The following TIAM1 variants were observed in gnomAD, a reference collection of about 807,000 sequenced individuals.
The protein encoded by TIAM1 is rho guanine nucleotide exchange factor TIAM1.
TIAM1 carries 65 observed loss-of-function variants against 163.5 expected under a neutral mutation model. The ratio of observed to expected loss-of-function variants is 0.40; its 90% CI spans 0.33 to 0.49. The LOEUF is 0.49. Among genes scored for constraint, TIAM1 ranks in the 20% least tolerant of loss-of-function variants. The pLI is 0.77. For missense variants in TIAM1, 1,789 were observed against 2,044.7 expected (o/e 0.87, Z 2.41); for synonymous variants, 833 against 810.1 (o/e 1.03, Z -0.48).
intron 2 of TIAM1, among the ~76,000 whole-genome samples, chr21:31,455,706 G>A (rs530648417): frequency 1.7e-4 from 26 of 152,202 alleles, no homozygotes; most frequent in Admixed American, 2.6e-4. Context: ...AGAACACAGC[G>A]ATTCTGTGAC....
chr21:31,137,606 T>C (rs2082672976), intron 22 of TIAM1, among the ~76,000 whole-genome samples: 1 of 151,996 alleles, frequency 6.6e-6, no homozygotes. Context: ...CAAACTCTAC[T>C]TCTTCCAACA....
At chr21:31,244,288 GC>G (rs2071377761) in intron 6 of TIAM1, among the ~76,000 whole-genome samples, 2 of 152,112 alleles carry the variant, frequency 1.3e-5, no homozygotes, top group African/African-American at 4.8e-5. Flanking sequence ...CTTTGTTCTA[GC>G]CCCCTCCTTG....
chr21:31,482,969 T>G (rs866547748), intron 1 of TIAM1, among the ~76,000 whole-genome samples: 3 of 152,148 alleles, frequency 2.0e-5, no homozygotes, highest in African/African-American at 7.2e-5. Flanking sequence ...GCGCCCATTT[T>G]ACAGATGAGG....
At chr21:31,465,459 T>C (rs999988465) in intron 1 of TIAM1, among the ~76,000 whole-genome samples, 8 of 152,026 alleles carry the variant, frequency 5.3e-5, no homozygotes, top group Admixed American at 5.2e-4. Context: ...TTAAGATGAA[T>C]GAGTAAAAGC....
intron 2 of TIAM1, among the ~76,000 whole-genome samples, chr21:31,296,911 C>T (rs1428571580): frequency 6.6e-6 from 1 of 152,190 alleles, no homozygotes; most frequent in African/African-American, 2.4e-5. Flanking sequence ...AATCCGCCCG[C>T]CTTGGCCTCC....
chr21:31,509,994 C>A (rs2047160229), intron 1 of TIAM1, among the ~76,000 whole-genome samples: 1 of 152,194 alleles, frequency 6.6e-6, no homozygotes. Flanking sequence ...TTTTATGAGG[C>A]ACAGCCATCA....
intron 2 of TIAM1, among the ~76,000 whole-genome samples, chr21:31,455,980 G>C (rs2045083169): frequency 6.6e-6 from 1 of 152,142 alleles, no homozygotes. Context: ...AGGACTAGAG[G>C]GTGGCAATGT....
chr21:31,251,673 T>G (rs2071810760), intron 5 of TIAM1, 69 bp downstream of exon 5: 1 of 1,459,170 alleles, frequency 6.9e-7, no homozygotes, highest in Non-Finnish European at 9.2e-7. Flanking sequence ...ACCCATCCCG[T>G]GAGTATGTGC....
At position 31,352,723 on chromosome 21, in the gene TIAM1, A is replaced by G. The variant is rs914065551; in HGVS notation, c.-368-13301T>C. ...AATAGATAAATAAATAAATAAATAA[A>G]TATTAGCCAGGGATGGTAACGCACA... On this transcript the variant is annotated intron_variant, in intron 2 of 28. Coordinates refer to the TIAM1 transcript ENST00000286827. Among the ~76,000 whole-genome samples, 3 of 151,744 alleles carry G rather than the reference A, an allele frequency of 2.0e-5. No homozygotes were observed. The East Asian group carries it at 5.8e-4, about 29-fold the overall frequency.
intron 2 of TIAM1, among the ~76,000 whole-genome samples, chr21:31,292,744 C>G (rs1410092977): frequency 2.0e-5 from 3 of 151,272 alleles, no homozygotes; most frequent in Non-Finnish European, 4.4e-5. Flanking sequence ...TCTCAGCTCA[C>G]TGCAACCTCC....
At chr21:31,413,093 C>T (rs2043256282) in intron 2 of TIAM1, among the ~76,000 whole-genome samples, 1 of 152,056 alleles carries the variant, frequency 6.6e-6, no homozygotes, top group African/African-American at 2.4e-5. Context: ...AAATTTGGAC[C>T]ACTAAACTAA....
chr21:31,517,101 G>A (rs2047410860), intron 1 of TIAM1, among the ~76,000 whole-genome samples: 1 of 151,118 alleles, frequency 6.6e-6, no homozygotes, highest in African/African-American at 2.4e-5. Flanking sequence ...GAATTCACAT[G>A]TTCTAGGCTT....
At chr21:31,322,714 C>T (rs867511040) in intron 2 of TIAM1, among the ~76,000 whole-genome samples, 1 of 152,218 alleles carries the variant, frequency 6.6e-6, no homozygotes, top group Non-Finnish European at 1.5e-5. Context: ...TGGCCCTACC[C>T]GAAACAGCTA....
chr21:31,191,606 A>G (rs2085565506), intron 13 of TIAM1, among the ~76,000 whole-genome samples: 1 of 152,218 alleles, frequency 6.6e-6, no homozygotes, highest in Non-Finnish European at 1.5e-5. Flanking sequence ...TGTATTTCAC[A>G]AAAGCAGCAG....
rs1444714643 is a variant in TIAM1 at position 31,241,351 on chromosome 21, C to T, written c.1584+4137G>A. ...GTGAAAGCAGAGATGAAGGCTAAGG[C>T]AGAGATGAAGCTAGTTGCCTGAGTG... On this transcript the variant is annotated intron_variant, in intron 6 of 27. Coordinates refer to ENST00000541036, the MANE Select transcript of TIAM1 (RefSeq NM_001353694.2). Among the ~76,000 whole-genome samples the T allele has an allele frequency of 2.0e-5, 3 of 152,136 alleles. 1 individual carries two copies. Among genetic ancestry groups the T allele is most frequent in the African/African-American group, 7.2e-5 (3 of 41,422 alleles).
intron 11 of TIAM1, among the ~76,000 whole-genome samples, chr21:31,205,078 G>A (rs147261881): frequency 2.0e-5 from 3 of 152,284 alleles, no homozygotes; most frequent in Non-Finnish European, 2.9e-5. Context: ...CATAAAACAG[G>A]AACTTTTTAA....
At chr21:31,198,446 T>C (rs917295889) in intron 12 of TIAM1, among the ~76,000 whole-genome samples, 2 of 152,244 alleles carry the variant, frequency 1.3e-5, no homozygotes, top group Non-Finnish European at 2.9e-5. Flanking sequence ...TTCAGTGTTA[T>C]ACTTTAGAAA....
intron 10 of TIAM1, among the ~76,000 whole-genome samples, chr21:31,210,593 A>AGAAAGAAAGG (rs1725344298): frequency 1.2e-5 from 1 of 80,880 alleles, no homozygotes; most frequent in East Asian, 6.3e-4. Context: ...AAAGAAAGAA[A>AGAAAGAAAGG]GAGAGAAAGA....
intron 1 of TIAM1, among the ~76,000 whole-genome samples, chr21:31,544,766 C>T (rs1462575122): frequency 1.3e-5 from 2 of 152,174 alleles, no homozygotes; most frequent in African/African-American, 4.8e-5. Flanking sequence ...GTAATCCCAG[C>T]ACTTTGGGAG....
Sources: gnomAD v4.1 joint callset for allele counts (sites outside exome capture counted in the v4.1 genomes callset) on GRCh38, gnomAD v4.1.1 for gene constraint, MANE v1.5 for transcripts, NCBI Gene and HGNC (gene_info 2026-07-23, HGNC 2026-07-21) for gene names.